Variants in ABCB11 observed in about 807,000 individuals in gnomAD.
ABCB11 encodes bile salt export pump.
Under a neutral mutation model 148.0 loss-of-function variants are expected in ABCB11, and 95 were observed. That is an observed-to-expected ratio of 0.64 (90% CI 0.54 to 0.76). ABCB11 has a LOEUF of 0.76. Ranked by LOEUF, ABCB11 falls within the 30% of genes least tolerant of loss-of-function variation. The pLI is 0.00. For missense variants in ABCB11, 1,523 were observed against 1,617.8 expected, an observed-to-expected ratio of 0.94 and a Z score of 1.01; for synonymous variants, 591 against 555.4, an observed-to-expected ratio of 1.06 and a Z score of -0.90.
At chr2:168,946,056 T>A (rs1028764234) in intron 19 of ABCB11, among the ~76,000 whole-genome samples, 22 of 151,854 alleles carry the variant, frequency 1.4e-4, no homozygotes, top group African/African-American at 5.3e-4. Flanking sequence ...TAACTGAGGA[T>A]CTTGTTACAA....
chr2:168,964,254 A>G lies in ABCB11; in HGVS notation c.2130T>C (p.Pro710=), dbSNP rs1319784595. The G allele has an allele frequency of 1.3e-6, 2 of 1,570,738 alleles. No individual in the cohort carries two copies. Among genetic ancestry groups the G allele is most frequent in the South Asian group, 1.2e-5 (1 of 85,564 alleles). The stretch of plus-strand genomic sequence containing the variant: ...ACTTATGATCTACAACAGCTAATGG[A>G]GGTTCGTGCACCAGGTAAGAAAGCT... ...KSQLSYLVHE[P]PLAVVDHKST... is the part of the protein sequence containing the mutation. The change falls in exon 18 of 28, where the codon CCT becomes CCC. Residue 710 remains proline (P), a synonymous_variant. Transcript: ENST00000650372.
At chr2:169,010,816 A>G (rs1298702403) in intron 5 of ABCB11, among the ~76,000 whole-genome samples, 1 of 152,194 alleles carries the variant, frequency 6.6e-6, no homozygotes, top group African/African-American at 2.4e-5. Flanking sequence ...CGATGACAGT[A>G]TTTAACTCAT....
chr2:168,993,893 G>C lies in ABCB11; in HGVS notation c.612-11C>G. The C allele has an allele frequency of 6.3e-7, 1 of 1,597,288 alleles. No individual in the cohort carries two copies. ...ATTTTATTAATATCACTAGAAACCA[G>C]AAAGATTTTGGTCACTAAAACTGAA... On this transcript the variant is annotated splice_polypyrimidine_tract_variant and intron_variant, in intron 7 of 27. Coordinates refer to ENST00000650372, the MANE Select transcript of ABCB11 (RefSeq NM_003742.4).
chr2:169,019,029 G>T (rs3755163), intron 1 of ABCB11, among the ~76,000 whole-genome samples: 14,461 of 151,996 alleles, frequency 0.095, 1,127 homozygotes, highest in African/African-American at 0.22. Context: ...CAAACAGGGG[G>T]CTAGAGACCA....
chr2:168,969,765 A>G (rs2105958939), intron 15 of ABCB11, among the ~76,000 whole-genome samples: 1 of 152,204 alleles, frequency 6.6e-6, no homozygotes, highest in South Asian at 2.1e-4. Flanking sequence ...ATCAACAGCT[A>G]AAAACAATTT....
intron 21 of ABCB11, among the ~76,000 whole-genome samples, chr2:168,941,028 C>G (rs923561307): frequency 2.0e-5 from 3 of 152,146 alleles, no homozygotes; most frequent in African/African-American, 7.2e-5. Flanking sequence ...CACCTAGTCA[C>G]CCAGGTGCTC....
intron 18 of ABCB11, among the ~76,000 whole-genome samples, chr2:168,962,508 T>C (rs1374776106): frequency 6.6e-6 from 1 of 151,692 alleles, no homozygotes; most frequent in Middle Eastern, 3.2e-3. Flanking sequence ...CGCTAGGTCC[T>C]CTACCAGCTT....
chr2:168,970,333 C>T (rs1693530397), intron 14 of ABCB11, 118 bp from the exon 15 acceptor site: 9 of 1,540,906 alleles, frequency 5.8e-6, no homozygotes, highest in Admixed American at 2.0e-5. Context: ...TTCACTGCTC[C>T]GACTTCCACT....
chr2:168,955,533 C>A (rs1692750881), intron 19 of ABCB11, among the ~76,000 whole-genome samples: 1 of 151,472 alleles, frequency 6.6e-6, no homozygotes, highest in Non-Finnish European at 1.5e-5. Flanking sequence ...AAATCTCCTC[C>A]CATGATCTAG....
intron 5 of ABCB11, among the ~76,000 whole-genome samples, chr2:169,006,659 T>A (rs1305863366): frequency 3.9e-5 from 6 of 152,062 alleles, no homozygotes; most frequent in African/African-American, 1.2e-4. Context: ...GTATAAAAAA[T>A]CCTAAAGAGC....
At chr2:168,924,146 C>T (rs1691201368) in intron 27 of ABCB11, among the ~76,000 whole-genome samples, 1 of 152,148 alleles carries the variant, frequency 6.6e-6, no homozygotes, top group African/African-American at 2.4e-5. Context: ...GTGGCCATTC[C>T]TGATACTGCT....
At chr2:169,008,151 T>C (rs965149609) in intron 5 of ABCB11, among the ~76,000 whole-genome samples, 3 of 152,108 alleles carry the variant, frequency 2.0e-5, no homozygotes, top group Non-Finnish European at 4.4e-5. Flanking sequence ...GGCTATTGTA[T>C]TGGTTTCCTA....
chr2:168,932,563 GC>G, intron 23 of ABCB11, 30 bp from the exon 24 acceptor site: 2 of 1,608,658 alleles, frequency 1.2e-6, no homozygotes, highest in Non-Finnish European at 1.7e-6. Flanking sequence ...CAGGAAGAGA[GC>G]AGGGTGGCGT....
intron 26 of ABCB11, among the ~76,000 whole-genome samples, chr2:168,925,094 A>C (rs929035115): frequency 6.6e-6 from 1 of 152,184 alleles, no homozygotes; most frequent in African/African-American, 2.4e-5. Context: ...ATAAGAGCCC[A>C]TATATGAGAT....
intron 5 of ABCB11, among the ~76,000 whole-genome samples, chr2:169,001,648 G>A (rs1034387173): frequency 9.2e-5 from 14 of 152,144 alleles, no homozygotes; most frequent in South Asian, 2.1e-4. Flanking sequence ...TGAGGTCACC[G>A]TTTTCTTCTG....
In ABCB11 at chr2:168,969,626, A is replaced by G. The variant is rs1574447401; in HGVS notation, c.1810-75T>C. 3.0e-6 allele frequency: 4 copies of G among 1,320,566 alleles called. No individual in the cohort carries two copies. The East Asian group carries it at 9.7e-5, about 32-fold the overall frequency. The allele number at this position is 1,320,566 out of a possible 1,614,324, so 81.8% of individuals were successfully genotyped here. ...ACACTGACCTTTGCATCATTTCAGA[A>G]TCCATAGGAAAGTTAGATCCTTGGT... On this transcript the variant is annotated intron_variant, in intron 15 of 27. Transcript: ENST00000650372.
downstream of ABCB11, among the ~76,000 whole-genome samples, chr2:168,916,920 CATG>C (rs1690951383): frequency 6.6e-6 from 1 of 152,092 alleles, no homozygotes; most frequent in Non-Finnish European, 1.5e-5. Context: ...CCTAAACCAA[CATG>C]ATGAAACTGT....
At chr2:168,917,472 C>T (rs1249730714), downstream of ABCB11, among the ~76,000 whole-genome samples, 1 of 152,122 alleles carries the variant, frequency 6.6e-6, no homozygotes, top group Non-Finnish European at 1.5e-5. Context: ...TTTTTAATAT[C>T]ATACTGTATT....
intron 5 of ABCB11, 24 bp from the exon 6 acceptor site, chr2:168,996,746 T>A (rs778533593): frequency 2.7e-6 from 4 of 1,489,742 alleles, no homozygotes; most frequent in East Asian, 5.0e-5. Flanking sequence ...AAAAGAATGT[T>A]CAGACTTGCA....
Sources: gnomAD v4.1 joint callset for allele counts (sites outside exome capture counted in the v4.1 genomes callset) on GRCh38, gnomAD v4.1.1 for gene constraint, MANE v1.5 for transcripts, NCBI Gene and HGNC (gene_info 2026-07-23, HGNC 2026-07-21) for gene names.